LYST: variants seen among roughly 807,000 people sequenced by gnomAD.
LYST encodes the protein lysosomal trafficking regulator, also known as lysosomal-trafficking regulator.
Under a neutral mutation model 413.6 loss-of-function variants are expected in LYST, and 192 were observed. That is an observed-to-expected ratio of 0.46 (90% CI 0.41 to 0.52). The LOEUF is 0.52. Among genes scored for constraint, LYST ranks in the 20% least tolerant of loss-of-function variants. The probability of loss-of-function intolerance (pLI) is 0.00; values close to 1 mark genes in which losing one functional copy is unlikely to be tolerated. For synonymous variants in LYST, 1,525 were observed against 1,567.3 expected (o/e 0.97, Z 0.64); for missense variants, 3,815 against 4,499.9 (o/e 0.85, Z 4.35).
Position 235,807,640 on chromosome 1 carries a change from AG to A in LYST, c.2363+814del, listed in dbSNP as rs1468291903. On this transcript the variant is annotated intron_variant, in intron 5 of 52. Transcript: ENST00000389793. ...GATATTGATAGGTTATTTTTGTATA[AG>A]TTTCTAAAATGGTATATGCATTAAT... Among the ~76,000 whole-genome samples, 5 of 152,328 alleles carry A rather than the reference AG, an allele frequency of 3.3e-5. No individual in the cohort carries two copies. The East Asian group carries it at 9.6e-4, about 29-fold the overall frequency.
intron 1 of LYST, among the ~76,000 whole-genome samples, chr1:235,882,533 C>A (rs1173528871): frequency 1.3e-5 from 2 of 152,050 alleles, no homozygotes; most frequent in Non-Finnish European, 2.9e-5. Context: ...GAGGCAGAGA[C>A]AATGGTGAGG....
At chr1:235,753,742 C>T (rs531528691) in intron 25 of LYST, among the ~76,000 whole-genome samples, 1 of 152,212 alleles carries the variant, frequency 6.6e-6, no homozygotes, top group Non-Finnish European at 1.5e-5. Context: ...GTATTTTGTG[C>T]CTCATTTTCC....
intron 31 of LYST, chr1:235,737,958 T>TGAAAAA: frequency 1.6e-6 from 2 of 1,280,904 alleles, no homozygotes; most frequent in Non-Finnish European, 2.0e-6. Context: ...CCGCCGGACG[T>TGAAAAA]GCATTCTCGA....
intron 40 of LYST, 40 bp downstream of exon 40, chr1:235,720,621 G>T (rs758004328): frequency 1.2e-6 from 2 of 1,600,014 alleles, no homozygotes; most frequent in African/African-American, 1.3e-5. Context: ...TACAACATAT[G>T]GATGGATGAA....
intron 38 of LYST, among the ~76,000 whole-genome samples, chr1:235,725,199 G>C (rs931220099): frequency 3.1e-4 from 47 of 152,064 alleles, no homozygotes; most frequent in African/African-American, 1.1e-3. Flanking sequence ...TTTGGGAGGC[G>C]GAGGCAGGCA....
intron 30 of LYST, among the ~76,000 whole-genome samples, chr1:235,742,467 AAAG>A (rs1358169687): frequency 6.6e-6 from 1 of 151,870 alleles, no homozygotes; most frequent in Non-Finnish European, 1.5e-5. Context: ...AAAAAAAAAA[AAAG>A]TTCCTAGAGA....
chr1:235,855,635 TA>T (rs1215658592), intron 1 of LYST, among the ~76,000 whole-genome samples: 26 of 152,068 alleles, frequency 1.7e-4, no homozygotes, highest in Admixed American at 6.5e-5. Flanking sequence ...GAAATGAAAA[TA>T]ATAAAAATAA....
Position 235,664,943 on chromosome 1 carries a change from G to A in LYST, c.11039-322C>T, listed in dbSNP as rs190195959. ...TAAGTTGCTGGGACAACAGGTGCAC[G>A]CCACCACATCCGGCTAATTTTTATA... On this transcript the variant is annotated intron_variant, in intron 50 of 52. Transcript: ENST00000389793. The surrounding 1 kb of genome is among the most constrained non-coding windows in gnomAD (Gnocchi z 4.5). 2.0e-5 allele frequency among the ~76,000 whole-genome samples: 3 copies of A among 152,082 alleles called. No homozygotes were observed. The highest frequency in any genetic ancestry group is 7.2e-5 in the African/African-American group (3 of 41,400).
chr1:235,873,132 A>G (rs1201392883), intron 1 of LYST, among the ~76,000 whole-genome samples: 1 of 152,168 alleles, frequency 6.6e-6, no homozygotes, highest in Non-Finnish European at 1.5e-5. Flanking sequence ...CAAAGCACTC[A>G]GCATGCCAAG....
intron 22 of LYST, among the ~76,000 whole-genome samples, chr1:235,761,765 A>T (rs933773945): frequency 7.3e-6 from 1 of 136,776 alleles, no homozygotes; most frequent in Admixed American, 7.0e-5. Context: ...GAGTGTGATT[A>T]AAAAAAAAAC....
intron 3 of LYST, among the ~76,000 whole-genome samples, chr1:235,825,516 A>G (rs1402712626): frequency 1.3e-5 from 2 of 152,238 alleles, no homozygotes; most frequent in African/African-American, 4.8e-5. Flanking sequence ...TCAACATACG[A>G]AAAGCAATTG....
intron 39 of LYST, among the ~76,000 whole-genome samples, chr1:235,722,977 C>A (rs1054444561): frequency 6.6e-6 from 1 of 152,136 alleles, no homozygotes; most frequent in East Asian, 1.9e-4. Flanking sequence ...GTAAATGATT[C>A]TGGCAAGAAA....
intron 20 of LYST, among the ~76,000 whole-genome samples, chr1:235,767,631 T>C (rs1668271296): frequency 6.9e-6 from 1 of 144,196 alleles, no homozygotes; most frequent in Non-Finnish European, 1.5e-5. Context: ...ACTGGTATTC[T>C]ATTTTATTAT....
chr1:235,702,685 G>A (rs1661639883), intron 45 of LYST, 62 bp downstream of exon 45: 2 of 1,340,992 alleles, frequency 1.5e-6, no homozygotes, highest in Non-Finnish European at 2.1e-6. Flanking sequence ...CTGGGAGAGT[G>A]CCTGGCATCA....
At chr1:235,825,501 C>A (rs1218912397) in intron 3 of LYST, among the ~76,000 whole-genome samples, 3 of 152,114 alleles carry the variant, frequency 2.0e-5, no homozygotes, top group Non-Finnish European at 4.4e-5. Flanking sequence ...GCACAGGACA[C>A]AAGATCAACA....
Position 235,802,832 on chromosome 1 carries a change from G to T in LYST, c.3712+76C>A, listed in dbSNP as rs568763800. On this transcript the variant is annotated intron_variant, in intron 8 of 52. Coordinates refer to ENST00000389793, the MANE Select transcript of LYST (RefSeq NM_000081.4). Reference sequence around the variant, plus strand: ...TAAGGCAATACAAAATTCTAAAGTGGTATTATTATGAACCATTTTGCTATT... The same window carrying T: ...TAAGGCAATACAAAATTCTAAAGTGTTATTATTATGAACCATTTTGCTATT... 12 of 1,361,606 alleles carry T rather than the reference G, an allele frequency of 8.8e-6. No homozygotes were observed. The African/African-American group carries it at 1.0e-4, about 11-fold the overall frequency. 84.3% of individuals were successfully genotyped at this position (1,361,606 alleles called of 1,614,324 possible). A position where few individuals can be genotyped will look rare whatever the true frequency, so the allele number is the denominator to read the frequency against.
chr1:235,822,968 G>A (rs771284160), intron 3 of LYST, among the ~76,000 whole-genome samples: 2 of 152,180 alleles, frequency 1.3e-5, no homozygotes, highest in African/African-American at 2.4e-5. Flanking sequence ...AAACTCAGAT[G>A]TAAGACCAGC....
At chr1:235,752,272 G>A (rs974355642) in intron 26 of LYST, 101 bp from the exon 27 acceptor site, 5 of 857,854 alleles carry the variant, frequency 5.8e-6, no homozygotes, top group African/African-American at 3.4e-5. Context: ...ATTCCTGTTC[G>A]ACCAGCTTGC....
At chr1:235,670,392 T>C (rs911155719) in intron 50 of LYST, among the ~76,000 whole-genome samples, 2 of 152,170 alleles carry the variant, frequency 1.3e-5, no homozygotes, top group Non-Finnish European at 2.9e-5. Context: ...TGCTGAGAAA[T>C]GTTCTGTCTA....
Sources: allele counts gnomAD v4.1 joint callset (sites outside exome capture counted in the v4.1 genomes callset), GRCh38; gene constraint gnomAD v4.1.1; non-coding constraint Gnocchi (gnomAD v3.1); transcripts MANE v1.5; gene names NCBI Gene and HGNC (gene_info 2026-07-23, HGNC 2026-07-21).